Variants in USP53 observed in about 807,000 individuals in gnomAD.
The protein encoded by USP53 is ubiquitin specific peptidase 53.
A neutral mutation model predicts 94.9 loss-of-function variants in USP53; 71 were observed. The observed-to-expected ratio is 0.75, with a 90% CI of 0.62 to 0.91. The LOEUF (loss-of-function observed/expected upper bound fraction) is 0.91. Ranked by LOEUF, USP53 falls within the 40% of genes least tolerant of loss-of-function variation. The pLI is 0.00. For missense variants in USP53, 1,173 were observed against 1,281.0 expected, an observed-to-expected ratio of 0.92 and a Z score of 1.29; for synonymous variants, 375 against 422.7, an observed-to-expected ratio of 0.89 and a Z score of 1.39.
At chr4:119,238,156 A>G (rs761200813) in intron 4 of USP53, among the ~76,000 whole-genome samples, 4 of 152,196 alleles carry the variant, frequency 2.6e-5, no homozygotes, top group African/African-American at 7.2e-5. Flanking sequence ...AACTTGGGTT[A>G]CTTACTGCTT....
chr4:119,294,300 TAGAG>T lies in USP53; in HGVS notation c.*1092_*1095del, dbSNP rs766735812. The stretch of plus-strand genomic sequence containing the variant: ...CCAGATTAAATTTCTACCTTTCATA[TAGAG>T]AGTTTAATTTTAATAAAATGTTTAA... On this transcript the variant is annotated 3_prime_UTR_variant, in exon 19 of 19. Coordinates refer to ENST00000692078, the MANE Select transcript of USP53 (RefSeq NM_001371395.1). 9 of 152,226 alleles carry T rather than the reference TAGAG, an allele frequency of 5.9e-5. No individual in the cohort carries two copies. The highest frequency in any genetic ancestry group is 1.4e-4 in the African/African-American group (6 of 41,572). The allele number at this position is 152,226 out of a possible 1,614,324, so 9.4% of individuals were successfully genotyped here.
chr4:119,241,788 A>T (rs934207896), intron 5 of USP53, among the ~76,000 whole-genome samples: 1 of 152,148 alleles, frequency 6.6e-6, no homozygotes, highest in African/African-American at 2.4e-5. Context: ...TATTTCTTCA[A>T]ATAATTTTTC....
chr4:119,262,212 T>C (rs1428560817), intron 12 of USP53, among the ~76,000 whole-genome samples: 1 of 152,240 alleles, frequency 6.6e-6, no homozygotes, highest in Non-Finnish European at 1.5e-5. Flanking sequence ...TCACAGTAGT[T>C]TTGTATAACT....
In USP53 at chr4:119,273,708, G is replaced by T. The variant is rs1251528224; in HGVS notation, c.2251G>T (p.Gly751Cys). ...TSLQSQHHLEGFRKELRNLEA... is the reference protein window; with the variant it reads ...TSLQSQHHLECFRKELRNLEA... ...CCTTCAGAGCCAACATCACTTAGAA[G>T]GTAAAAAACTTATTTGAATATAATA... The change falls in exon 17 of 19, where the codon GGC becomes TGC. Residue 751 changes from glycine to cysteine, a missense_variant and splice_region_variant. Coordinates refer to ENST00000692078, the MANE Select transcript of USP53 (RefSeq NM_001371395.1). The T allele has an allele frequency of 1.2e-6, 2 of 1,605,584 alleles. No homozygotes were observed. The highest frequency in any genetic ancestry group is 2.2e-5 in the East Asian group (1 of 44,660).
intron 17 of USP53, among the ~76,000 whole-genome samples, chr4:119,282,502 C>T (rs1032416247): frequency 1.3e-5 from 2 of 152,026 alleles, no homozygotes; most frequent in African/African-American, 4.8e-5. Context: ...TAATAGGTAT[C>T]ATATTGTGGT....
Position 119,222,287 on chromosome 4 carries a change from C to T in USP53, c.-665+4614C>T, listed in dbSNP as rs150258507. The stretch of plus-strand genomic sequence containing the variant: ...TTGTTGGGATGTCCATCGCCTTAAG[C>T]GTTTGTTTCTTTGAGTTAGTAACAT... On this transcript the variant is annotated intron_variant, in intron 3 of 18. Coordinates refer to ENST00000692078, the MANE Select transcript of USP53 (RefSeq NM_001371395.1). 4.8e-3 allele frequency among the ~76,000 whole-genome samples: 725 copies of T among 152,146 alleles called. 2 individuals are homozygous for T. Among genetic ancestry groups the T allele is most frequent in the African/African-American group, 0.017 (703 of 41,506 alleles).
intron 7 of USP53, among the ~76,000 whole-genome samples, chr4:119,254,513 G>A (rs1452792238): frequency 6.6e-6 from 1 of 151,990 alleles, no homozygotes; most frequent in South Asian, 2.1e-4. Context: ...TGATTGAATC[G>A]GCTACTGAAG....
intron 3 of USP53, among the ~76,000 whole-genome samples, chr4:119,231,047 A>G (rs1320647095): frequency 1.3e-5 from 2 of 152,168 alleles, no homozygotes; most frequent in African/African-American, 4.8e-5. Context: ...CCACCTATAA[A>G]GAGGTGGTAA....
chr4:119,255,393 G>A (rs1277669843), intron 7 of USP53, among the ~76,000 whole-genome samples: 1 of 152,192 alleles, frequency 6.6e-6, no homozygotes, highest in Non-Finnish European at 1.5e-5. Flanking sequence ...CCCAGTTCAA[G>A]CTTCCCTGCT....
At chr4:119,215,301 A>T (rs1384366667) in intron 2 of USP53, among the ~76,000 whole-genome samples, 1 of 152,194 alleles carries the variant, frequency 6.6e-6, no homozygotes, top group African/African-American at 2.4e-5. Flanking sequence ...GCATTATGGT[A>T]TTTGCACATG....
chr4:119,281,404 G>A (rs1271235899), intron 17 of USP53, among the ~76,000 whole-genome samples: 1 of 152,152 alleles, frequency 6.6e-6, no homozygotes, highest in Non-Finnish European at 1.5e-5. Flanking sequence ...TAAGGCTTTT[G>A]TGGGGATTAT....
rs369983415 is a variant in USP53 at position 119,271,781 on chromosome 4, A to C, written c.1921A>C (p.Ile641Leu). The change falls in exon 16 of 19, where the codon ATA (isoleucine) becomes CTA (leucine). Residue 641 changes from isoleucine (I) to leucine (L), a missense_variant. By Grantham distance (5) the Ile-to-Leu change is conservative (BLOSUM62 2). Coordinates refer to ENST00000692078, the MANE Select transcript of USP53 (RefSeq NM_001371395.1). Reference sequence around the variant, plus strand: ...TCCAAAGCAAAAAGGTTTAATGACCATATATGAAGATGAAATGAAGCAGGA... The same window carrying C: ...TCCAAAGCAAAAAGGTTTAATGACCCTATATGAAGATGAAATGAAGCAGGA... ...ENPKQKGLMT[I>L]YEDEMKQEIG... 1.9e-6 allele frequency: 3 copies of C among 1,612,982 alleles called. No homozygotes were observed. The African/African-American group carries it at 4.0e-5, about 22-fold the overall frequency.
intron 7 of USP53, among the ~76,000 whole-genome samples, chr4:119,254,046 C>T (rs1260189445): frequency 6.6e-6 from 1 of 152,140 alleles, no homozygotes; most frequent in Admixed American, 6.5e-5. Flanking sequence ...AATATTGGCC[C>T]CCACTCTCTT....
At chr4:119,280,207 G>C (rs1014373000) in intron 17 of USP53, among the ~76,000 whole-genome samples, 1 of 151,662 alleles carries the variant, frequency 6.6e-6, no homozygotes, top group Non-Finnish European at 1.5e-5. Flanking sequence ...TTTTGATTTA[G>C]ATGATGAAGT....
rs368618955 is a variant in USP53 at position 119,239,724 on chromosome 4, A to C, written c.-36A>C. The stretch of plus-strand genomic sequence containing the variant: ...TCCAAAATATTACATAAAAGTGTAC[A>C]GTTTTTAGCCTAAATGCAAACAAAG... On this transcript the variant is annotated 5_prime_UTR_variant, in exon 5 of 19. Transcript: ENST00000692078. 115 of 1,578,818 alleles carry C rather than the reference A, an allele frequency of 7.3e-5. No homozygotes were observed. The highest frequency in any genetic ancestry group is 9.9e-5 in the Non-Finnish European group (115 of 1,164,154).
rs1365530460 is a variant in USP53, at chr4:119,293,302, G to A, written c.*91G>A. 4 of 1,425,874 alleles carry A rather than the reference G, an allele frequency of 2.8e-6. No homozygotes were observed. Among genetic ancestry groups the A allele is most frequent in the Non-Finnish European group, 3.7e-6 (4 of 1,076,972 alleles). 88.3% of individuals were successfully genotyped at this position (1,425,874 alleles called of 1,614,324 possible). The stretch of plus-strand genomic sequence containing the variant: ...TATAAACCTAGCATACATTGTAATA[G>A]ATAACTGGTAAAACTGACCAACTTT... On this transcript the variant is annotated 3_prime_UTR_variant, in exon 19 of 19. Transcript: ENST00000692078.
intron 3 of USP53, among the ~76,000 whole-genome samples, chr4:119,228,150 T>C (rs1050277986): frequency 6.6e-6 from 1 of 152,212 alleles, no homozygotes; most frequent in Non-Finnish European, 1.5e-5. Context: ...CTCTGGATCT[T>C]ACAAGAGTGG....
At chr4:119,226,718 T>G (rs1745305600) in intron 3 of USP53, among the ~76,000 whole-genome samples, 1 of 152,124 alleles carries the variant, frequency 6.6e-6, no homozygotes, top group African/African-American at 2.4e-5. Flanking sequence ...ATTCTAGACA[T>G]ACCTGAAATA....
At chr4:119,285,116 A>C (rs1454200843) in intron 17 of USP53, among the ~76,000 whole-genome samples, 1 of 151,824 alleles carries the variant, frequency 6.6e-6, no homozygotes, top group Non-Finnish European at 1.5e-5. Context: ...CAGAACAGTA[A>C]TTGATGGAGT....
Sources: allele counts gnomAD v4.1 joint callset (sites outside exome capture counted in the v4.1 genomes callset), GRCh38; gene constraint gnomAD v4.1.1; transcripts MANE v1.5; gene names NCBI Gene and HGNC (gene_info 2026-07-23, HGNC 2026-07-21).